The following PCGF3 variants were observed in gnomAD, a reference collection of about 807,000 sequenced individuals.
The protein encoded by PCGF3 is polycomb group RING finger protein 3.
In PCGF3, 7 loss-of-function variants were observed where a neutral mutation model predicts 33.1. That is an observed-to-expected ratio of 0.21 (90% CI 0.12 to 0.40). PCGF3 has a LOEUF of 0.40. Ranked by LOEUF, PCGF3 falls within the 10% of genes least tolerant of loss-of-function variation. PCGF3 has a pLI of 1.00. For missense variants in PCGF3, 211 were observed against 313.3 expected (o/e 0.67, Z 2.46); for synonymous variants, 153 against 121.3 (o/e 1.26, Z -1.72).
In PCGF3 at chr4:733,980, T is replaced by C. The variant is rs1458229545; in HGVS notation, c.109+191T>C. 4 of 1,551,272 alleles carry C rather than the reference T, an allele frequency of 2.6e-6. No homozygotes were observed. The South Asian group carries it at 4.8e-5, about 18-fold the overall frequency. On this transcript the variant is annotated intron_variant, in intron 4 of 10. Coordinates refer to ENST00000362003, the Ensembl canonical transcript of PCGF3. ...TTCACGCTAAAGGTCCTGTGGGTGGTGTCAGAGCAGATGAGGCCTCGCTTA... is the reference window on the plus strand; with the variant it reads ...TTCACGCTAAAGGTCCTGTGGGTGGCGTCAGAGCAGATGAGGCCTCGCTTA...
chr4:712,472 A>G (rs1192627550), intron 1 of PCGF3, among the ~76,000 whole-genome samples: 1 of 151,858 alleles, frequency 6.6e-6, no homozygotes, highest in Non-Finnish European at 1.5e-5. Context: ...TTTGAGATGG[A>G]GTTTTGCTCT....
chr4:707,218 C>CAG (rs79651917), intron 1 of PCGF3, among the ~76,000 whole-genome samples: 1 of 151,396 alleles, frequency 6.6e-6, no homozygotes, highest in Non-Finnish European at 1.5e-5. Flanking sequence ...TGGCAGGGCC[C>CAG]GGGGGGGCTA....
rs531033778 is a variant in PCGF3, at chr4:743,814, G to A, written c.373+230G>A. 1.6e-4 allele frequency: 72 copies of A among 440,640 alleles called. 1 individual carries two copies. In the South Asian group the frequency reaches 2.0e-3, roughly 12 times the overall value. The allele number at this position is 440,640 out of a possible 1,614,324, so 27.3% of individuals were successfully genotyped here. A position where few individuals can be genotyped will look rare whatever the true frequency, so the allele number is the denominator to read the frequency against. On this transcript the variant is annotated intron_variant, in intron 7 of 10. Coordinates refer to ENST00000362003, the Ensembl canonical transcript of PCGF3. ...GCAGGGGAGAGCAGGAGGGCCCCCC[G>A]AGAGTGTCTGGGGGGCAGAGGTCAG...
intron 4 of PCGF3, chr4:734,577 C>T (rs949506626): frequency 8.6e-7 from 1 of 1,162,210 alleles, no homozygotes; most frequent in Non-Finnish European, 1.1e-6. Flanking sequence ...GTAGAAGATA[C>T]TGTCATCTTT....
At chr4:740,156 G>A (rs749839354) in intron 6 of PCGF3, among the ~76,000 whole-genome samples, 13 of 152,218 alleles carry the variant, frequency 8.5e-5, no homozygotes, top group Non-Finnish European at 1.8e-4. Flanking sequence ...CGTTAGCTGC[G>A]AGGATGCAGT....
At chr4:742,157 C>T (rs980580414) in intron 6 of PCGF3, among the ~76,000 whole-genome samples, 7 of 150,814 alleles carry the variant, frequency 4.6e-5, no homozygotes, top group African/African-American at 1.7e-4. Context: ...CCCCTCCTCT[C>T]TCTCTCCCCA....
intron 8 of PCGF3, among the ~76,000 whole-genome samples, chr4:758,759 T>C (rs377653964): frequency 0.018 from 142 of 7,838 alleles, 1 homozygote; most frequent in South Asian, 0.048. Flanking sequence ...GAGCTCTTCT[T>C]GCTCCGGACT....
intron 6 of PCGF3, among the ~76,000 whole-genome samples, chr4:739,042 G>C (rs1422492317): frequency 2.6e-5 from 4 of 152,092 alleles, no homozygotes; most frequent in Non-Finnish European, 5.9e-5. Flanking sequence ...ATCTGTAAAG[G>C]CTGCAGTACG....
chr4:717,554 A>G (rs1299795402), intron 1 of PCGF3, among the ~76,000 whole-genome samples: 1 of 152,010 alleles, frequency 6.6e-6, no homozygotes, highest in African/African-American at 2.4e-5. Context: ...TAATTTTTGT[A>G]TTTATATTAG....
At chr4:757,254 G>A (rs1002407942) in intron 8 of PCGF3, 1 of 150,134 alleles carries the variant, frequency 6.7e-6, no homozygotes, top group African/African-American at 2.5e-5. Context: ...CCTTCCTGCT[G>A]CCCTGCGGGC....
At chr4:734,568 T>C (rs1743752721) in intron 4 of PCGF3, 3 of 1,166,504 alleles carry the variant, frequency 2.6e-6, no homozygotes, top group African/African-American at 3.2e-5. Context: ...TAGTTGTACG[T>C]AGAAGATACT....
At position 712,524 on chromosome 4, in the gene PCGF3, T is replaced by G. The variant is rs367602567; in HGVS notation, c.-190+6554T>G. Among the ~76,000 whole-genome samples, 16 of 152,364 alleles carry G rather than the reference T, an allele frequency of 1.1e-4. No individual in the cohort carries two copies. The East Asian group carries it at 1.2e-3, about 11-fold the overall frequency. On this transcript the variant is annotated intron_variant, in intron 1 of 10. Coordinates refer to ENST00000362003, the Ensembl canonical transcript of PCGF3. ...GTGCAGTGGCGCGATCTCGGCTCACTGCAACCTCCGCCTCCTGGTTCAAGT... is the reference window on the plus strand; with the variant it reads ...GTGCAGTGGCGCGATCTCGGCTCACGGCAACCTCCGCCTCCTGGTTCAAGT...
chr4:754,875 G>T (rs1197370465), intron 8 of PCGF3, among the ~76,000 whole-genome samples: 1 of 152,234 alleles, frequency 6.6e-6, no homozygotes, highest in Admixed American at 6.5e-5. Flanking sequence ...CGGTGCGGGT[G>T]CAGCACTGGG....
chr4:737,694 G>A (rs998110245), intron 6 of PCGF3, among the ~76,000 whole-genome samples, 173 bp downstream of exon 6: 7 of 152,116 alleles, frequency 4.6e-5, no homozygotes, highest in Admixed American at 1.3e-4. Context: ...CTCTTCTTTC[G>A]TCTAAGATGC....
intron 7 of PCGF3, among the ~76,000 whole-genome samples, chr4:744,391 A>G (rs1416262933): frequency 6.6e-6 from 1 of 152,060 alleles, no homozygotes; most frequent in East Asian, 1.9e-4. Flanking sequence ...CCACGCCTGC[A>G]CCCCACAGGC....
intron 8 of PCGF3, among the ~76,000 whole-genome samples, chr4:754,400 G>A (rs988644678): frequency 3.9e-5 from 6 of 152,248 alleles, no homozygotes; most frequent in African/African-American, 1.2e-4. Flanking sequence ...CCTGCTGGAA[G>A]TGGGCTCTGC....
chr4:763,351 G>A lies in PCGF3; in HGVS notation c.601-1633G>A, dbSNP rs909808119. Among the ~76,000 whole-genome samples the A allele has an allele frequency of 1.3e-4, 20 of 152,194 alleles. 2 individuals are homozygous for A. The highest frequency in any genetic ancestry group is 2.1e-4 in the South Asian group (1 of 4,822). ...GGGAAGAGGTTGGCCATTTCCCAGC[G>A]CAGGGCTGGTTCCTCCAGGGAAGAG... On this transcript the variant is annotated intron_variant, in intron 9 of 10. Coordinates refer to ENST00000362003, the Ensembl canonical transcript of PCGF3.
intron 1 of PCGF3, among the ~76,000 whole-genome samples, chr4:711,808 A>G (rs1188633480): frequency 6.6e-6 from 1 of 151,924 alleles, no homozygotes; most frequent in East Asian, 1.9e-4. Context: ...TTTTTCAACA[A>G]AAATTAGCCA....
exon 11 of PCGF3, chr4:769,030 A>G (rs532315056): frequency 2.6e-5 from 4 of 152,720 alleles, no homozygotes; most frequent in South Asian, 2.1e-4. Context: ...TTTCATTGTT[A>G]TTATTGTGAG....
Sources: allele counts gnomAD v4.1 joint callset (sites outside exome capture counted in the v4.1 genomes callset), GRCh38; gene constraint gnomAD v4.1.1; transcripts MANE v1.5; gene names NCBI Gene and HGNC (gene_info 2026-07-23, HGNC 2026-07-21).